CNBD1: variants seen among roughly 807,000 people sequenced by gnomAD.
CNBD1 encodes cyclic nucleotide binding domain containing 1.
Under a neutral mutation model 54.4 loss-of-function variants are expected in CNBD1, and 71 were observed. The ratio of observed to expected loss-of-function variants is 1.30; its 90% CI spans 1.08 to 1.59. CNBD1 has a LOEUF of 1.59. Among genes scored for constraint, CNBD1 ranks in the 40% most tolerant of loss-of-function variants. CNBD1 has a pLI of 0.00. For synonymous variants in CNBD1, 182 were observed against 170.7 expected (o/e 1.07, Z -0.51); for missense variants, 659 against 518.0 (o/e 1.27, Z -2.64).
chr8:87,409,759 A>C (rs903142607), intron 2 of CNBD1, among the ~76,000 whole-genome samples: 1 of 152,098 alleles, frequency 6.6e-6, no homozygotes, highest in Non-Finnish European at 1.5e-5. Context: ...GTGGTGGCTC[A>C]TGCCTGTAAT....
chr8:86,889,662 TAATAAC>T (rs1665057183), intron 2 of CNBD1, among the ~76,000 whole-genome samples: 1 of 152,096 alleles, frequency 6.6e-6, no homozygotes, highest in Non-Finnish European at 1.5e-5. Flanking sequence ...AATAAAAAAT[TAATAAC>T]AAAGGGGGGA....
chr8:86,883,937 G>GTCAGGAGA (rs1808640438), intron 1 of CNBD1, among the ~76,000 whole-genome samples: 2 of 152,152 alleles, frequency 1.3e-5, no homozygotes, highest in African/African-American at 4.8e-5. Flanking sequence ...GGATCACGAG[G>GTCAGGAGA]TCAGGAGATC....
At chr8:87,220,821 A>G (rs1360223848) in intron 5 of CNBD1, among the ~76,000 whole-genome samples, 2 of 151,198 alleles carry the variant, frequency 1.3e-5, no homozygotes, top group Non-Finnish European at 2.9e-5. Context: ...ACAGATTTCT[A>G]AAGTTAAAAG....
chr8:87,382,468 T>C (rs1811097974), intron 10 of CNBD1, among the ~76,000 whole-genome samples, 152 bp from the exon 11 acceptor site: 1 of 152,190 alleles, frequency 6.6e-6, no homozygotes, highest in East Asian at 1.9e-4. Flanking sequence ...ACATTATTTC[T>C]AGAATAAGCT....
At chr8:87,066,462 C>T (rs377276962) in intron 4 of CNBD1, among the ~76,000 whole-genome samples, 2 of 151,924 alleles carry the variant, frequency 1.3e-5, no homozygotes, top group East Asian at 1.9e-4. Context: ...GCTAAGATAG[C>T]CAACCCCTTT....
intron 2 of CNBD1, among the ~76,000 whole-genome samples, chr8:87,388,330 A>G (rs938754407): frequency 6.6e-6 from 1 of 151,790 alleles, no homozygotes; most frequent in East Asian, 1.9e-4. Flanking sequence ...TTTTTTGAAA[A>G]GATCAACGAA....
At chr8:87,018,923 A>T (rs1379083610) in intron 4 of CNBD1, among the ~76,000 whole-genome samples, 8 of 152,168 alleles carry the variant, frequency 5.3e-5, no homozygotes, top group African/African-American at 1.9e-4. Context: ...TTGCCTTTTA[A>T]ACTGTTATGT....
chr8:87,301,334 T>G (rs1483451427), intron 8 of CNBD1, among the ~76,000 whole-genome samples: 2 of 152,060 alleles, frequency 1.3e-5, no homozygotes, highest in Non-Finnish European at 2.9e-5. Flanking sequence ...GAACCCTCCT[T>G]AATTTATTTT....
intron 4 of CNBD1, among the ~76,000 whole-genome samples, chr8:87,116,367 A>G (rs1811769266): frequency 1.3e-5 from 2 of 151,290 alleles, no homozygotes; most frequent in South Asian, 4.2e-4. Flanking sequence ...ACACCTGGCT[A>G]ATTTTTGTGG....
chr8:87,272,791 C>T (rs1402660967), intron 6 of CNBD1, among the ~76,000 whole-genome samples: 1 of 151,896 alleles, frequency 6.6e-6, no homozygotes, highest in East Asian at 1.9e-4. Flanking sequence ...TTTAAATGTA[C>T]ACTCCATTAA....
At chr8:87,202,157 G>A (rs1355420777) in intron 4 of CNBD1, among the ~76,000 whole-genome samples, 1 of 151,742 alleles carries the variant, frequency 6.6e-6, no homozygotes, top group Admixed American at 6.6e-5. Flanking sequence ...TAGACTTTAT[G>A]TACTGGTAAA....
intron 5 of CNBD1, among the ~76,000 whole-genome samples, chr8:87,233,399 A>G (rs1191979501): frequency 6.6e-6 from 1 of 152,222 alleles, no homozygotes; most frequent in Non-Finnish European, 1.5e-5. Flanking sequence ...TTGGTTTCCC[A>G]GTGCATATAA....
chr8:87,349,548 G>A (rs1425704565), intron 8 of CNBD1, among the ~76,000 whole-genome samples: 2 of 152,132 alleles, frequency 1.3e-5, no homozygotes, highest in East Asian at 1.9e-4. Flanking sequence ...ACTAGTTTTT[G>A]TATTTTTAGT....
chr8:87,139,334 T>G (rs945383700), intron 4 of CNBD1, among the ~76,000 whole-genome samples: 1 of 151,998 alleles, frequency 6.6e-6, no homozygotes, highest in Non-Finnish European at 1.5e-5. Context: ...CTAACTAGAG[T>G]AGGTATTGTG....
chr8:87,312,407 A>G (rs377469875), intron 8 of CNBD1, among the ~76,000 whole-genome samples: 29 of 152,018 alleles, frequency 1.9e-4, no homozygotes, highest in African/African-American at 6.5e-4. Flanking sequence ...TGTCAGTGGC[A>G]TTTCTATACA....
intron 4 of CNBD1, among the ~76,000 whole-genome samples, chr8:87,086,080 C>G (rs566907276): frequency 6.6e-6 from 1 of 152,240 alleles, no homozygotes; most frequent in South Asian, 2.1e-4. Context: ...CAATGGGTCT[C>G]TCATCTAAGT....
At chr8:87,087,331 A>T (rs1811120705) in intron 4 of CNBD1, among the ~76,000 whole-genome samples, 2 of 148,666 alleles carry the variant, frequency 1.3e-5, no homozygotes, top group South Asian at 2.1e-4. Context: ...CAAACTAGAC[A>T]TATTGGGTGT....
intron 4 of CNBD1, among the ~76,000 whole-genome samples, chr8:87,142,392 G>C (rs866571630): frequency 5.9e-5 from 9 of 152,130 alleles, no homozygotes; most frequent in South Asian, 2.1e-4. Context: ...CCTGTGAAGG[G>C]TAGGATTGGG....
At chr8:87,419,172 A>C (rs1807884515) in intron 2 of CNBD1, among the ~76,000 whole-genome samples, 2 of 151,938 alleles carry the variant, frequency 1.3e-5, no homozygotes, top group Non-Finnish European at 2.9e-5. Context: ...ATCTTAAAAT[A>C]ACAAAGTCAT....
Sources: gnomAD v4.1 joint callset for allele counts (sites outside exome capture counted in the v4.1 genomes callset) on GRCh38, gnomAD v4.1.1 for gene constraint, MANE v1.5 for transcripts, NCBI Gene and HGNC (gene_info 2026-07-23, HGNC 2026-07-21) for gene names.